DIS3L2: variants seen among roughly 807,000 people sequenced by gnomAD.
The protein encoded by DIS3L2 is DIS3 like 3'-5' exoribonuclease 2, also known as DIS3-like exonuclease 2.
In DIS3L2, 34 loss-of-function variants were observed where a neutral mutation model predicts 97.5. The ratio of observed to expected loss-of-function variants is 0.35; its 90% confidence interval spans 0.27 to 0.46. The LOEUF is 0.46. Among genes scored for constraint, DIS3L2 ranks in the 20% least tolerant of loss-of-function variants. DIS3L2 has a pLI of 1.00. For missense variants in DIS3L2, 1,038 were observed against 1,146.0 expected (o/e 0.91, Z 1.36); for synonymous variants, 435 against 445.2 (o/e 0.98, Z 0.29).
intron 4 of DIS3L2, among the ~76,000 whole-genome samples, chr2:232,028,788 C>G (rs1694727878): frequency 6.6e-6 from 1 of 152,154 alleles, no homozygotes; most frequent in South Asian, 2.1e-4. Context: ...AGAAGCTTGT[C>G]AAGAGGTCAA....
chr2:232,092,304 T>A (rs897161441), intron 6 of DIS3L2, among the ~76,000 whole-genome samples: 1 of 152,212 alleles, frequency 6.6e-6, no homozygotes, highest in Non-Finnish European at 1.5e-5. Flanking sequence ...GCCGTTTTGG[T>A]TACTATAGCT....
chr2:232,055,061 AT>A (rs1260982252), intron 5 of DIS3L2, among the ~76,000 whole-genome samples: 5 of 152,220 alleles, frequency 3.3e-5, no homozygotes, highest in Non-Finnish European at 5.9e-5. Flanking sequence ...AGATCCATTC[AT>A]GATAAGTACT....
rs183627621 is a variant in DIS3L2, at chr2:232,100,459, T to G, written c.601+12738T>G. Among the ~76,000 whole-genome samples, 110 of 152,186 alleles carry G rather than the reference T, an allele frequency of 7.2e-4. No homozygotes were observed. The South Asian group carries it at 8.7e-3, about 12-fold the overall frequency. Reference sequence around the variant, plus strand: ...CCTTTCCCCAAATTCTTGAGTTGAGTACTTAGCTTATTAATTTTAACTTTT... The same window carrying G: ...CCTTTCCCCAAATTCTTGAGTTGAGGACTTAGCTTATTAATTTTAACTTTT... On this transcript the variant is annotated intron_variant, in intron 6 of 20. Coordinates refer to ENST00000325385, the MANE Select transcript of DIS3L2 (RefSeq NM_152383.5).
intron 12 of DIS3L2, among the ~76,000 whole-genome samples, chr2:232,253,929 C>T (rs1693484169): frequency 6.6e-6 from 1 of 152,128 alleles, no homozygotes; most frequent in South Asian, 2.1e-4. Context: ...AAATTTCAAA[C>T]ATACATGAAA....
chr2:232,253,810 A>G (rs1406196354), intron 12 of DIS3L2, among the ~76,000 whole-genome samples: 1 of 152,230 alleles, frequency 6.6e-6, no homozygotes, highest in African/African-American at 2.4e-5. Flanking sequence ...TAAAAGAGGT[A>G]AAAGTAGTTA....
intron 1 of DIS3L2, among the ~76,000 whole-genome samples, chr2:231,992,330 C>T (rs1056824479): frequency 1.3e-5 from 2 of 152,114 alleles, no homozygotes; most frequent in East Asian, 3.9e-4. Context: ...TTGAAGAGTA[C>T]GGGCCATGTT....
At chr2:232,019,161 A>AT (rs1694440544) in intron 3 of DIS3L2, among the ~76,000 whole-genome samples, 1 of 152,192 alleles carries the variant, frequency 6.6e-6, no homozygotes, top group African/African-American at 2.4e-5. Flanking sequence ...TTAGAATAGA[A>AT]TATTGGTGTG....
intron 16 of DIS3L2, chr2:232,331,647 GCT>G (rs1426459477): frequency 4.6e-5 from 7 of 152,204 alleles, no homozygotes; most frequent in Non-Finnish European, 1.0e-4. Context: ...TGCCCACTGG[GCT>G]CTCTCTGTTC....
At chr2:231,968,887 G>A (rs1025642412) in intron 1 of DIS3L2, among the ~76,000 whole-genome samples, 2 of 152,160 alleles carry the variant, frequency 1.3e-5, no homozygotes, top group Non-Finnish European at 2.9e-5. Context: ...TAATCCCTAC[G>A]TGTCGAGGGA....
chr2:232,271,756 G>T (rs536312119), intron 13 of DIS3L2, among the ~76,000 whole-genome samples: 1 of 152,184 alleles, frequency 6.6e-6, no homozygotes, highest in Non-Finnish European at 1.5e-5. Context: ...AAGCAGTGAG[G>T]GGTGGAACAA....
At chr2:232,234,437 C>T (rs563692579) in intron 10 of DIS3L2, among the ~76,000 whole-genome samples, 10 of 152,186 alleles carry the variant, frequency 6.6e-5, no homozygotes, top group Non-Finnish European at 2.9e-5. Flanking sequence ...GCAACCTCCA[C>T]CTCCCGGGTT....
At chr2:232,120,537 A>G (rs1185022916) in intron 6 of DIS3L2, among the ~76,000 whole-genome samples, 1 of 152,148 alleles carries the variant, frequency 6.6e-6, no homozygotes, top group Non-Finnish European at 1.5e-5. Flanking sequence ...CTCAATGACA[A>G]GCTACCAATG....
At chr2:232,118,648 A>G (rs1314112800) in intron 6 of DIS3L2, among the ~76,000 whole-genome samples, 1 of 152,152 alleles carries the variant, frequency 6.6e-6, no homozygotes, top group Non-Finnish European at 1.5e-5. Context: ...TCTCATGTTT[A>G]ATTCCTGAGT....
In DIS3L2 at chr2:231,990,459, G is replaced by T. The variant is rs115251581; in HGVS notation, c.-93-24376G>T. Among the ~76,000 whole-genome samples the T allele has an allele frequency of 3.2e-3, 494 of 152,290 alleles. 1 individual carries two copies. The highest frequency in any genetic ancestry group is 4.6e-3 in the Non-Finnish European group (314 of 68,026). On this transcript the variant is annotated intron_variant, in intron 1 of 20. Transcript: ENST00000325385. ...CTTTAAAGCATAGGAAGAAATCTTA[G>T]TCGCTTCAGTGTAATAATTCTGTAG...
chr2:232,015,681 A>C lies in DIS3L2; in HGVS notation c.210+10A>C. ...AGGAACACTCATCCAGGTGCTTAAA[A>C]TCTACTGGAAGGCTATTCTCTGAAT... On this transcript the variant is annotated intron_variant, in intron 3 of 20. Transcript: ENST00000325385. 1.2e-6 allele frequency: 2 copies of C among 1,613,092 alleles called. No homozygotes were observed. The highest frequency in any genetic ancestry group is 1.7e-6 in the Non-Finnish European group (2 of 1,179,580).
At chr2:232,062,849 GTCTC>G (rs1397038404) in intron 5 of DIS3L2, among the ~76,000 whole-genome samples, 1 of 151,448 alleles carries the variant, frequency 6.6e-6, no homozygotes, top group Non-Finnish European at 1.5e-5. Context: ...ATCTATCTGT[GTCTC>G]TCTCTCCTTT....
intron 14 of DIS3L2, chr2:232,307,649 G>A (rs1695023636): frequency 6.6e-6 from 1 of 152,174 alleles, no homozygotes; most frequent in African/African-American, 2.4e-5. Context: ...TATGATCCAT[G>A]TACCATAATC....
intron 7 of DIS3L2, chr2:232,130,922 A>G (rs745650850): frequency 1.7e-5 from 12 of 707,030 alleles, no homozygotes; most frequent in Non-Finnish European, 2.6e-5. Flanking sequence ...ATAAGGGGTC[A>G]AGGCCTTTTC....
intron 11 of DIS3L2, among the ~76,000 whole-genome samples, 176 bp downstream of exon 11, chr2:232,238,821 A>C (rs1457216286): frequency 6.6e-6 from 1 of 152,152 alleles, no homozygotes; most frequent in Admixed American, 6.5e-5. Context: ...ACTGACAGAT[A>C]CTCAGCTTCA....
Sources: allele counts gnomAD v4.1 joint callset (sites outside exome capture counted in the v4.1 genomes callset), GRCh38; gene constraint gnomAD v4.1.1; transcripts MANE v1.5; gene names NCBI Gene and HGNC (gene_info 2026-07-23, HGNC 2026-07-21).